The following HNRNPM variants were observed in gnomAD, a reference collection of about 807,000 sequenced individuals.
HNRNPM encodes the protein CEA receptor.
In HNRNPM, 11 loss-of-function variants were observed where a neutral mutation model predicts 73.1. The ratio of observed to expected loss-of-function variants is 0.15; its 90% CI spans 0.09 to 0.25. The LOEUF is 0.25. HNRNPM is among the 10% of genes least tolerant of loss of function. The pLI, the probability that HNRNPM is intolerant of heterozygous loss-of-function variation, is 1.00. For synonymous variants in HNRNPM, 407 were observed against 355.2 expected, an observed-to-expected ratio of 1.15 and a Z score of -1.64; for missense variants, 789 against 1,067.9, an observed-to-expected ratio of 0.74 and a Z score of 3.64.
intron 1 of HNRNPM, among the ~76,000 whole-genome samples, chr19:8,448,461 C>T (rs1306794550): frequency 6.8e-6 from 1 of 146,044 alleles, no homozygotes; most frequent in Non-Finnish European, 1.5e-5. Context: ...AACCTGCTCC[C>T]CTTCCTGAGT....
chr19:8,484,394 C>G (rs1245114202), intron 13 of HNRNPM, among the ~76,000 whole-genome samples: 1 of 152,092 alleles, frequency 6.6e-6, no homozygotes, highest in Admixed American at 6.5e-5. Flanking sequence ...CCAGGCTGGT[C>G]GCGAACTCCT....
chr19:8,476,203 G>A (rs890028311), intron 12 of HNRNPM, among the ~76,000 whole-genome samples: 6 of 152,088 alleles, frequency 3.9e-5, no homozygotes, highest in Non-Finnish European at 7.4e-5. Context: ...TACGGCACTC[G>A]GAGTGCTCCC....
At chr19:8,447,701 A>G (rs1250113775) in intron 1 of HNRNPM, among the ~76,000 whole-genome samples, 1 of 152,110 alleles carries the variant, frequency 6.6e-6, no homozygotes, top group Non-Finnish European at 1.5e-5. Flanking sequence ...CCTGGGCAAC[A>G]TGGTGAAACC....
At chr19:8,446,742 G>T (rs999478274) in intron 1 of HNRNPM, among the ~76,000 whole-genome samples, 1 of 152,180 alleles carries the variant, frequency 6.6e-6, no homozygotes, top group African/African-American at 2.4e-5. Flanking sequence ...CTAAGTGCTA[G>T]CTATATTGGT....
chr19:8,471,554 C>A (rs1655863809), intron 10 of HNRNPM, 127 bp downstream of exon 10: 8 of 464,786 alleles, frequency 1.7e-5, no homozygotes, highest in Non-Finnish European at 2.7e-5. Flanking sequence ...CCTCCTTATT[C>A]ATCTCTGCCT....
intron 10 of HNRNPM, 22 bp from the exon 11 acceptor site, chr19:8,473,642 G>A: frequency 6.7e-7 from 1 of 1,485,710 alleles, no homozygotes; most frequent in South Asian, 1.2e-5. Context: ...ATTTTAGTTT[G>A]CATTGACTTT....
chr19:8,486,177 C>T lies in HNRNPM; in HGVS notation c.1749C>T (p.Arg583=), dbSNP rs763278754. Residue 583 remains arginine (R), a synonymous_variant, in exon 14 of 16, where the codon CGC becomes CGT. Transcript: ENST00000325495. ...ANSLERMGLE[R]MGANSLERMG... ...GCCTCGAGCGCATGGGCCTGGAGCGCATGGGTGCCAACAGCCTCGAGCGCA... is the reference window on the plus strand; with the variant it reads ...GCCTCGAGCGCATGGGCCTGGAGCGTATGGGTGCCAACAGCCTCGAGCGCA... 2.2e-5 allele frequency: 35 copies of T among 1,585,218 alleles called. No homozygotes were observed. In the Admixed American group the frequency reaches 3.7e-4, roughly 17 times the overall value.
intron 10 of HNRNPM, among the ~76,000 whole-genome samples, chr19:8,472,149 A>G (rs1051697653): frequency 2.7e-5 from 4 of 150,182 alleles, no homozygotes; most frequent in Admixed American, 2.0e-4. Flanking sequence ...TCAGCCTGGC[A>G]ACAGAGCGAG....
rs770745543 is a variant in HNRNPM, at chr19:8,450,727, A to ATTTTT, written c.114-4668_114-4664dup. On this transcript the variant is annotated intron_variant, in intron 1 of 15. Transcript: ENST00000325495. The stretch of plus-strand genomic sequence containing the variant: ...AATTTAATTAATTATTATTATTATT[A>ATTTTT]TTTTTTTTTTTTTTGAGATGGAGTT... 3.2e-5 allele frequency among the ~76,000 whole-genome samples: 4 copies of ATTTTT among 125,368 alleles called. 1 individual carries two copies. The highest frequency in any genetic ancestry group is 5.3e-5 in the African/African-American group (2 of 37,590). 82.2% of individuals were successfully genotyped at this position (125,368 alleles called of 152,430 possible). A position where few individuals can be genotyped will look rare whatever the true frequency, so the allele number is the denominator to read the frequency against.
intron 1 of HNRNPM, 22 bp from the exon 2 acceptor site, chr19:8,455,383 T>G: frequency 1.9e-6 from 3 of 1,598,568 alleles, no homozygotes; most frequent in Non-Finnish European, 2.6e-6. Flanking sequence ...CTTTACCTTT[T>G]TTTCCTCTCT....
intron 1 of HNRNPM, among the ~76,000 whole-genome samples, chr19:8,450,088 C>T (rs1968499540): frequency 6.6e-6 from 1 of 152,126 alleles, no homozygotes. Flanking sequence ...TCAGTGGTGG[C>T]CTTGGAGCTG....
intron 7 of HNRNPM, among the ~76,000 whole-genome samples, chr19:8,466,787 C>CT (rs571514625): frequency 2.7e-3 from 359 of 133,170 alleles, no homozygotes; most frequent in Non-Finnish European, 4.0e-3. Context: ...GATTGCGCCA[C>CT]TGCACACCAC....
intron 1 of HNRNPM, among the ~76,000 whole-genome samples, chr19:8,450,393 GCACT>G (rs1040197606): frequency 6.6e-6 from 1 of 152,144 alleles, no homozygotes; most frequent in African/African-American, 2.4e-5. Flanking sequence ...TGCAGATTAG[GCACT>G]CAATCTTTTT....
In HNRNPM at chr19:8,468,815, G is replaced by A. The variant is rs1037684970; in HGVS notation, c.876G>A (p.Glu292=). The part of the protein sequence containing the change: ...ALPKGDFFPP[E]RPQQLPHGLG... Reference sequence around the variant, plus strand: ...CAAAAGGAGATTTCTTCCCTCCTGAGCGTCCACAACAACTTCCCCGTAAGT... The same window carrying A: ...CAAAAGGAGATTTCTTCCCTCCTGAACGTCCACAACAACTTCCCCGTAAGT... The change falls in exon 9 of 16, where the codon GAG becomes GAA. Residue 292 remains glutamate (E), a synonymous_variant. Transcript: ENST00000325495. 1.9e-6 allele frequency: 3 copies of A among 1,613,764 alleles called. No homozygotes were observed. The highest frequency in any genetic ancestry group is 3.3e-5 in the Admixed American group (2 of 60,024).
chr19:8,471,264 C>A (rs1357643453), intron 9 of HNRNPM, 62 bp from the exon 10 acceptor site: 3 of 1,047,214 alleles, frequency 2.9e-6, no homozygotes, highest in Non-Finnish European at 1.4e-6. Flanking sequence ...ACACTCTTTT[C>A]CTTTGAGGGT....
At position 8,478,894 on chromosome 19, in the gene HNRNPM, C is replaced by T. The variant is rs1253795392; in HGVS notation, c.1121-4264C>T. The stretch of plus-strand genomic sequence containing the variant: ...ACCCCAGGGTGCTGTGGTGTCCAGT[C>T]CAGTTAGCAGGATGGAGTGAGTTGT... On this transcript the variant is annotated intron_variant, in intron 12 of 15. Coordinates refer to ENST00000325495, the MANE Select transcript of HNRNPM (RefSeq NM_005968.5). Among the ~76,000 whole-genome samples the T allele has an allele frequency of 2.6e-5, 4 of 152,072 alleles. No individual in the cohort carries two copies. The East Asian group carries it at 7.7e-4, about 29-fold the overall frequency.
intron 1 of HNRNPM, among the ~76,000 whole-genome samples, chr19:8,450,066 CAT>C (rs1568257142): frequency 6.6e-6 from 1 of 152,188 alleles, no homozygotes; most frequent in African/African-American, 2.4e-5. Context: ...GAGCTTGAGT[CAT>C]GTGGGTAGTT....
At chr19:8,477,789 A>C (rs1970621638) in intron 12 of HNRNPM, among the ~76,000 whole-genome samples, 1 of 152,064 alleles carries the variant, frequency 6.6e-6, no homozygotes, top group Non-Finnish European at 1.5e-5. Flanking sequence ...GTGCAGACAT[A>C]CGTCTCGCCA....
rs757798885 is a variant in HNRNPM, at chr19:8,465,376, C to T, written c.491C>T (p.Thr164Ile). 2 of 1,613,568 alleles carry T rather than the reference C, an allele frequency of 1.2e-6. No homozygotes were observed. Among genetic ancestry groups the T allele is most frequent in the South Asian group, 1.1e-5 (1 of 90,950 alleles). ...GCAATGCAAAAGGTGATGGCTACGA[C>T]TGGTGGGATGGGTATGGGACCAGGT... ...RRAMQKVMAT[T>I]GGMGMGPGGP... The change falls in exon 6 of 16, where the codon ACT becomes ATT. Residue 164 changes from threonine to isoleucine, a missense_variant. By Grantham distance (89) the Thr-to-Ile change is moderately conservative. Coordinates refer to ENST00000325495, the MANE Select transcript of HNRNPM (RefSeq NM_005968.5).
Sources: gnomAD v4.1 joint callset for allele counts (sites outside exome capture counted in the v4.1 genomes callset) on GRCh38, gnomAD v4.1.1 for gene constraint, MANE v1.5 for transcripts, NCBI Gene and HGNC (gene_info 2026-07-23, HGNC 2026-07-21) for gene names.